The following LRRC4C variants were observed in gnomAD, a reference collection of about 807,000 sequenced individuals.
The protein encoded by LRRC4C is leucine rich repeat containing 4C.
In LRRC4C, 5 loss-of-function variants were observed where a neutral mutation model predicts 33.6. The observed-to-expected ratio is 0.15, with a 90% CI of 0.08 to 0.31. The LOEUF is 0.31. LRRC4C is among the 10% of genes least tolerant of loss of function. LRRC4C has a pLI of 1.00. For synonymous variants in LRRC4C, 329 were observed against 302.0 expected, an observed-to-expected ratio of 1.09 and a Z score of -0.93; for missense variants, 560 against 796.7, an observed-to-expected ratio of 0.70 and a Z score of 3.58.
chr11:40,892,613 G>A (rs1955769982), intron 2 of LRRC4C, among the ~76,000 whole-genome samples: 1 of 152,076 alleles, frequency 6.6e-6, no homozygotes, highest in Non-Finnish European at 1.5e-5. Context: ...ACCATAGAAA[G>A]GAATGGAATT....
At chr11:41,093,093 T>A (rs1940547686) in intron 1 of LRRC4C, among the ~76,000 whole-genome samples, 1 of 152,238 alleles carries the variant, frequency 6.6e-6, no homozygotes. Flanking sequence ...TTGATAATAG[T>A]TATTTTCATT....
chr11:41,416,835 G>A (rs1001529109), intron 1 of LRRC4C, among the ~76,000 whole-genome samples: 5 of 151,942 alleles, frequency 3.3e-5, no homozygotes, highest in South Asian at 2.1e-4. Flanking sequence ...AAAAGTACTC[G>A]AAAATTCTCT....
chr11:40,728,148 C>G (rs763100044), intron 2 of LRRC4C, among the ~76,000 whole-genome samples: 15 of 151,944 alleles, frequency 9.9e-5, no homozygotes, highest in Admixed American at 2.6e-4. Flanking sequence ...CAAAAAATAA[C>G]TGATGTTGGC....
intron 2 of LRRC4C, among the ~76,000 whole-genome samples, chr11:40,882,512 T>A (rs1034080077): frequency 2.6e-5 from 4 of 152,028 alleles, no homozygotes; most frequent in Non-Finnish European, 5.9e-5. Context: ...TCCCAATATA[T>A]ATTCCACCTT....
intron 3 of LRRC4C, among the ~76,000 whole-genome samples, chr11:40,451,484 C>T (rs1302856342): frequency 7.4e-6 from 1 of 135,952 alleles, no homozygotes; most frequent in Non-Finnish European, 1.5e-5. Context: ...CTCCTGGGTT[C>T]AAGTAATTCT....
At chr11:41,145,582 A>G (rs755483975) in intron 1 of LRRC4C, among the ~76,000 whole-genome samples, 13 of 147,344 alleles carry the variant, frequency 8.8e-5, no homozygotes, top group Middle Eastern at 3.6e-3. Context: ...GAGCCCACAA[A>G]GCCTAAAATA....
At chr11:40,969,285 GATAA>G (rs3075565) in intron 1 of LRRC4C, among the ~76,000 whole-genome samples, 72,777 of 151,422 alleles carry the variant, frequency 0.48, 17,784 homozygotes, top group East Asian at 0.53. Flanking sequence ...GTTTCTTATG[GATAA>G]ATAAATAAAG....
chr11:40,668,930 A>C (rs1156643973), intron 2 of LRRC4C, among the ~76,000 whole-genome samples: 2 of 152,172 alleles, frequency 1.3e-5, no homozygotes. Context: ...ATCAGTGATA[A>C]CTTATAAGGG....
intron 2 of LRRC4C, among the ~76,000 whole-genome samples, chr11:40,801,713 A>C (rs1421676362): frequency 6.6e-6 from 1 of 152,170 alleles, no homozygotes; most frequent in African/African-American, 2.4e-5. Context: ...AAATCTATGC[A>C]ATTGTCATTT....
intron 1 of LRRC4C, among the ~76,000 whole-genome samples, chr11:41,058,567 T>A (rs1465955224): frequency 6.6e-6 from 1 of 152,234 alleles, no homozygotes; most frequent in African/African-American, 2.4e-5. Context: ...CAGAGGTTTC[T>A]GGCCAGAAAA....
intron 3 of LRRC4C, among the ~76,000 whole-genome samples, chr11:40,633,365 CTT>C (rs139149875): frequency 3.1e-3 from 134 of 43,298 alleles, no homozygotes; most frequent in South Asian, 0.01. Context: ...TTCTTTCTTT[CTT>C]TCTTTCTCTC....
At chr11:40,432,096 C>T (rs574257862) in intron 3 of LRRC4C, among the ~76,000 whole-genome samples, 2 of 152,240 alleles carry the variant, frequency 1.3e-5, no homozygotes, top group South Asian at 2.1e-4. Flanking sequence ...ATTTTCATAT[C>T]AGCTGGCACT....
At chr11:40,795,242 G>C (rs1291526572) in intron 2 of LRRC4C, among the ~76,000 whole-genome samples, 1 of 152,112 alleles carries the variant, frequency 6.6e-6, no homozygotes, top group Admixed American at 6.6e-5. Context: ...TAGAAGGGAA[G>C]GAAAGACTGG....
At chr11:40,578,617 G>T (rs1045223530) in intron 3 of LRRC4C, among the ~76,000 whole-genome samples, 13 of 151,884 alleles carry the variant, frequency 8.6e-5, no homozygotes, top group African/African-American at 3.1e-4. Context: ...AAATGGAAAA[G>T]ACTAGAAATA....
intron 1 of LRRC4C, among the ~76,000 whole-genome samples, chr11:40,974,124 C>A (rs1011832125): frequency 1.3e-5 from 2 of 152,052 alleles, no homozygotes; most frequent in Middle Eastern, 3.2e-3. Context: ...TCTCTTTCAT[C>A]CCATATAGGA....
At chr11:40,472,252 C>A (rs1381033389) in intron 3 of LRRC4C, among the ~76,000 whole-genome samples, 1 of 151,784 alleles carries the variant, frequency 6.6e-6, no homozygotes, top group Non-Finnish European at 1.5e-5. Flanking sequence ...TGCACTCCAG[C>A]CTGGGTGACA....
intron 1 of LRRC4C, among the ~76,000 whole-genome samples, chr11:41,381,230 A>G (rs913774252): frequency 1.1e-4 from 16 of 152,294 alleles, no homozygotes; most frequent in South Asian, 8.3e-4. Context: ...TGGGGGGAAC[A>G]TTGTAAATAA....
intron 1 of LRRC4C, among the ~76,000 whole-genome samples, chr11:41,193,717 C>T (rs551434546): frequency 1.4e-4 from 21 of 151,958 alleles, no homozygotes; most frequent in Admixed American, 2.6e-4. Context: ...CAGTGCCAGA[C>T]GAGGTAGAAA....
At chr11:41,357,966 A>G (rs1952220748) in intron 1 of LRRC4C, among the ~76,000 whole-genome samples, 1 of 152,104 alleles carries the variant, frequency 6.6e-6, no homozygotes, top group Admixed American at 6.5e-5. Flanking sequence ...TTGAAGAAGA[A>G]AAAAGTTAGA....
Sources: allele counts gnomAD v4.1 joint callset (sites outside exome capture counted in the v4.1 genomes callset), GRCh38; gene constraint gnomAD v4.1.1; transcripts MANE v1.5; gene names NCBI Gene and HGNC (gene_info 2026-07-23, HGNC 2026-07-21).